PLOD3: variants seen among roughly 807,000 people sequenced by gnomAD.
The protein encoded by PLOD3 is multifunctional procollagen lysine hydroxylase and glycosyltransferase LH3.
PLOD3 carries 73 observed loss-of-function variants against 96.9 expected under a neutral mutation model. That is an observed-to-expected ratio of 0.75 (90% confidence interval 0.62 to 0.92). The LOEUF (loss-of-function observed/expected upper bound fraction) is 0.92. Among genes scored for constraint, PLOD3 ranks in the 40% least tolerant of loss-of-function variants. The probability of loss-of-function intolerance (pLI) is 0.00; values close to 1 mark genes in which losing one functional copy is unlikely to be tolerated. For missense variants in PLOD3, 1,004 were observed against 1,004.3 expected (o/e 1.00, Z 0.00); for synonymous variants, 454 against 413.7 (o/e 1.10, Z -1.18).
At chr7:101,210,185 C>T in intron 14 of PLOD3, 24 bp from the exon 15 acceptor site, 1 of 1,555,750 alleles carries the variant, frequency 6.4e-7, no homozygotes, top group Non-Finnish European at 8.8e-7. Context: ...GGGGGCACAT[C>T]AGATCTGTGC....
Position 101,206,371 on chromosome 7 carries a change from GA to G in PLOD3, c.2126del (p.Leu709ProfsTer46). On this transcript the variant is annotated frameshift_variant, in exon 19 of 19. Transcript: ENST00000223127. LOFTEE classifies it low-confidence loss of function (END_TRUNC). ...VISSPRKGWA[L>X]LHPGRLTHYH... ...AGTGGGTGAGGCGGCCGGGGTGCAG[GA>G]GTGCCCAGCCCTTCCTCGGGGAGGA... 1 of 1,613,770 alleles carries G rather than the reference GA, an allele frequency of 6.2e-7. No homozygotes were observed. Among genetic ancestry groups the G allele is most frequent in the Non-Finnish European group, 8.5e-7 (1 of 1,179,772 alleles).
rs757499802 is a variant in PLOD3, at chr7:101,215,192, G to A, written c.616-40C>T. 11 of 1,321,134 alleles carry A rather than the reference G, an allele frequency of 8.3e-6. No homozygotes were observed. The South Asian group carries it at 1.3e-4, about 16-fold the overall frequency. The allele number at this position is 1,321,134 out of a possible 1,614,324, so 81.8% of individuals were successfully genotyped here. A position where few individuals can be genotyped will look rare whatever the true frequency, so the allele number is the denominator to read the frequency against. On this transcript the variant is annotated intron_variant, in intron 5 of 18. Transcript: ENST00000223127. ...ATGCGATGGAGTGGTTAAAATGGAA[G>A]GAGTGGAAAGGACATCATTTCTCAC...
Position 101,206,043 on chromosome 7 carries a change from G to C in PLOD3, c.*238C>G, listed in dbSNP as rs1045704208. The C allele has an allele frequency of 1.7e-6, 1 of 604,624 alleles. No homozygotes were observed. The highest frequency in any genetic ancestry group is 1.9e-5 in the African/African-American group (1 of 53,942). The allele number at this position is 604,624 out of a possible 1,614,324, so 37.5% of individuals were successfully genotyped here. On this transcript the variant is annotated 3_prime_UTR_variant, in exon 19 of 19. Transcript: ENST00000223127. ...GAACATTAATAATTTATCACGCGGG[G>C]AGTCCCCAGAAGCCCTGTGCCCACG...
intron 5 of PLOD3, 103 bp downstream of exon 5, chr7:101,215,805 C>T: frequency 1.2e-6 from 1 of 813,242 alleles, no homozygotes; most frequent in Non-Finnish European, 2.1e-6. Flanking sequence ...CCCAGGCACA[C>T]ATTTTTCTCT....
At position 101,206,822 on chromosome 7, in the gene PLOD3, A is replaced by G; in HGVS notation, c.2018T>C (p.Phe673Ser). 1 of 1,579,200 alleles carries G rather than the reference A, an allele frequency of 6.3e-7. No individual in the cohort carries two copies. The highest frequency in any genetic ancestry group is 8.6e-7 in the Non-Finnish European group (1 of 1,162,216). ...GTGGTTGAGGGCAACGTTGAGGGTG[A>G]AGGTGGATGAGTCGTGGTGTGGCCG... ...SLRPHHDSST[F>S]TLNVALNHKG... Residue 673 changes from phenylalanine (F) to serine (S), a missense_variant, in exon 18 of 19, where the codon TTC becomes TCC. This residue lies in a region of PLOD3 where 222 missense variants were observed against 220.4 expected (regional missense o/e 1.01). Transcript: ENST00000223127.
At position 101,206,124 on chromosome 7, in the gene PLOD3, G is replaced by T. The variant is rs1170422085; in HGVS notation, c.*157C>A. 1.2e-6 allele frequency: 1 copy of T among 842,180 alleles called. No homozygotes were observed. Among genetic ancestry groups the T allele is most frequent in the Non-Finnish European group, 2.0e-6 (1 of 495,862 alleles). 52.2% of individuals were successfully genotyped at this position (842,180 alleles called of 1,614,324 possible). A position where few individuals can be genotyped will look rare whatever the true frequency, so the allele number is the denominator to read the frequency against. Reference sequence around the variant, plus strand: ...ACTCCGGGAGCTTCCTGAGAGGGCCGTGTCTTGGGAGCAAGGTGACATATT... The same window carrying T: ...ACTCCGGGAGCTTCCTGAGAGGGCCTTGTCTTGGGAGCAAGGTGACATATT... On this transcript the variant is annotated 3_prime_UTR_variant, in exon 19 of 19. Coordinates refer to ENST00000223127, the MANE Select transcript of PLOD3 (RefSeq NM_001084.5).
intron 17 of PLOD3, among the ~76,000 whole-genome samples, chr7:101,207,268 G>A (rs1305425176): frequency 1.3e-5 from 2 of 152,080 alleles, no homozygotes; most frequent in East Asian, 3.9e-4. Context: ...GAGCCACCAC[G>A]CCCGGCCATC....
At position 101,212,333 on chromosome 7, in the gene PLOD3, C is replaced by T; in HGVS notation, c.1047G>A (p.Gln349=). 2.5e-6 allele frequency: 4 copies of T among 1,613,688 alleles called. No homozygotes were observed. Among genetic ancestry groups the T allele is most frequent in the Non-Finnish European group, 3.4e-6 (4 of 1,179,804 alleles). The change falls in exon 10 of 19, where the codon CAG becomes CAA. Residue 349 remains glutamine, a synonymous_variant. Transcript: ENST00000223127. ...TCACAGCTGAGAAGTGGTCCTGGAG[C>T]TGCGGCCAGGAGTCAGCGATGTGGG... is the stretch of plus-strand genomic sequence containing the variant. ...HEPHIADSWP[Q]LQDHFSAVKL...
At chr7:101,212,998 G>A in intron 7 of PLOD3, 55 bp from the exon 8 acceptor site, 6 of 1,434,826 alleles carry the variant, frequency 4.2e-6, no homozygotes, top group Non-Finnish European at 5.9e-6. Context: ...TGGAGGTGGG[G>A]GTCAGGCACC....
In PLOD3 at chr7:101,216,205, A is replaced by C. The variant is rs1363526540; in HGVS notation, c.460T>G (p.Tyr154Asp). 3 of 1,613,944 alleles carry C rather than the reference A, an allele frequency of 1.9e-6. No individual in the cohort carries two copies. The highest frequency in any genetic ancestry group is 2.5e-6 in the Non-Finnish European group (3 of 1,179,994). Residue 154 changes from tyrosine (Y) to aspartate (D), a missense_variant, in exon 4 of 19, where the codon TAC (tyrosine) becomes GAC (aspartate). By Grantham distance (160) the Tyr-to-Asp change is radical. This residue lies in a region of PLOD3 where 690 missense variants were observed against 650.2 expected (regional missense o/e 1.06). Transcript: ENST00000223127. ...CWPEWGLAEQ[Y>D]PEVGTGKRFL... The stretch of plus-strand genomic sequence containing the variant: ...CGCTTCCCCGTGCCCACCTCAGGGT[A>C]CTGCTCCGCCAGCCCCCACTCGGGC...
intron 15 of PLOD3, chr7:101,209,868 A>G: frequency 2.0e-6 from 1 of 504,986 alleles, no homozygotes; most frequent in South Asian, 3.5e-5. Flanking sequence ...TGTGATTTCA[A>G]GCATAACACC....
Position 101,210,593 on chromosome 7 carries a change from T to A in PLOD3, c.1439A>T (p.Asp480Val). 6.2e-7 allele frequency: 1 copy of A among 1,614,110 alleles called. No homozygotes were observed. Among genetic ancestry groups the A allele is most frequent in the Non-Finnish European group, 8.5e-7 (1 of 1,180,000 alleles). ...GTCTGTGTCACTGCCCGAGAACACA[T>A]CCCTCTGGGGCAGCTCCATCCGCAG... Reference protein sequence around the residue: ...DTLRMELPQRDVFSGSDTDPD... With the variant: ...DTLRMELPQRVVFSGSDTDPD... Residue 480 changes from aspartate to valine, a missense_variant, in exon 13 of 19, where the codon GAT becomes GTT. By Grantham distance (152) the Asp-to-Val change is radical (BLOSUM62 -3). This residue lies in a region of PLOD3 where 690 missense variants were observed against 650.2 expected (regional missense o/e 1.06). Coordinates refer to ENST00000223127, the MANE Select transcript of PLOD3 (RefSeq NM_001084.5).
chr7:101,212,462 G>A (rs1798199159), intron 9 of PLOD3, 68 bp downstream of exon 9: 2 of 1,576,700 alleles, frequency 1.3e-6, no homozygotes, highest in African/African-American at 1.3e-5. Flanking sequence ...ATGGGGGTGG[G>A]GGCACGAGAG....
intron 12 of PLOD3, 141 bp from the exon 13 acceptor site, chr7:101,210,814 G>T (rs1261367653): frequency 7.1e-6 from 6 of 839,480 alleles, no homozygotes; most frequent in Non-Finnish European, 1.1e-5. Context: ...AGCACTGCTG[G>T]TCCCAACCAC....
In PLOD3 at chr7:101,212,794, G is replaced by A. The variant is rs199902109; in HGVS notation, c.879+48C>T. 2.5e-4 allele frequency: 395 copies of A among 1,560,052 alleles called. 2 individuals are homozygous for A. The highest frequency in any genetic ancestry group is 2.3e-4 in the Non-Finnish European group (260 of 1,134,434). Reference sequence around the variant, plus strand: ...CCAGTCCGCTGTCCTTGTACCTCCTGCTCAGCACGCTGCCCTCTCGTGCCC... The same window carrying A: ...CCAGTCCGCTGTCCTTGTACCTCCTACTCAGCACGCTGCCCTCTCGTGCCC... On this transcript the variant is annotated intron_variant, in intron 8 of 18. Coordinates refer to ENST00000223127, the MANE Select transcript of PLOD3 (RefSeq NM_001084.5).
chr7:101,215,075 G>A lies in PLOD3; in HGVS notation c.679+14C>T. 1 of 1,603,306 alleles carries A rather than the reference G, an allele frequency of 6.2e-7. No individual in the cohort carries two copies. Among genetic ancestry groups the A allele is most frequent in the Non-Finnish European group, 8.5e-7 (1 of 1,170,058 alleles). ...GGCTGCGCATCGCCCACCTGCGGCT[G>A]TCTTCCTCCTCACCTAAAGCCCCGT... On this transcript the variant is annotated intron_variant, in intron 6 of 18. Transcript: ENST00000223127.
rs1798294631 is a variant in PLOD3 at position 101,217,278 on chromosome 7, G to C, written c.-4C>G. 2 of 1,476,312 alleles carry C rather than the reference G, an allele frequency of 1.4e-6. No homozygotes were observed. Among genetic ancestry groups the C allele is most frequent in the African/African-American group, 2.9e-5 (2 of 68,820 alleles). 91.5% of individuals were successfully genotyped at this position (1,476,312 alleles called of 1,614,324 possible). On this transcript the variant is annotated 5_prime_UTR_variant, in exon 1 of 19. Transcript: ENST00000223127. ...GTCCAGGCCCCGAGGAGGTCATGGT[G>C]GGGAGCGGGCCCAGACAGCACCCAG...
At chr7:101,208,692 A>G in intron 16 of PLOD3, 161 bp downstream of exon 16, 2 of 656,702 alleles carry the variant, frequency 3.0e-6, no homozygotes, top group South Asian at 1.5e-5. Context: ...CCAGCAGTAA[A>G]TATTTCTTGA....
chr7:101,213,036 C>G, intron 7 of PLOD3, 71 bp downstream of exon 7: 1 of 1,137,090 alleles, frequency 8.8e-7, no homozygotes. Context: ...GAAGGGCCAG[C>G]TTCTCAGAAG....
Sources: allele counts gnomAD v4.1 joint callset (sites outside exome capture counted in the v4.1 genomes callset), GRCh38; gene constraint gnomAD v4.1.1; regional missense constraint gnomAD v4.1.1; transcripts MANE v1.5; gene names NCBI Gene and HGNC (gene_info 2026-07-23, HGNC 2026-07-21).